MYT1L: variants seen among roughly 807,000 people sequenced by gnomAD.
The protein encoded by MYT1L is myelin transcription factor 1-like protein.
Under a neutral mutation model 126.7 loss-of-function variants are expected in MYT1L, and 12 were observed. The ratio of observed to expected loss-of-function variants is 0.09; its 90% CI spans 0.06 to 0.15. The LOEUF is 0.15. Ranked by LOEUF, MYT1L falls within the 10% of genes least tolerant of loss-of-function variation. The probability of loss-of-function intolerance (pLI) is 1.00; values close to 1 mark genes in which losing one functional copy is unlikely to be tolerated. For missense variants in MYT1L, 979 were observed against 1,585.2 expected, an observed-to-expected ratio of 0.62 and a Z score of 6.49; for synonymous variants, 541 against 604.2, an observed-to-expected ratio of 0.90 and a Z score of 1.53.
rs774152215 is a variant in MYT1L, at chr2:2,298,423, G to A, written c.-520-13920C>T. Among the ~76,000 whole-genome samples the A allele has an allele frequency of 2.0e-5, 3 of 151,668 alleles. No homozygotes were observed. In the South Asian group the frequency reaches 6.3e-4, roughly 32 times the overall value. ...ATCTGTCAGGGAAATATTCCAGCAG[G>A]AGGAATGTTTTAGTTTAACACATGG... On this transcript the variant is annotated intron_variant, in intron 1 of 24. Transcript: ENST00000647738.
chr2:2,209,466 T>G (rs2093428229), intron 2 of MYT1L, among the ~76,000 whole-genome samples: 1 of 152,306 alleles, frequency 6.6e-6, no homozygotes, highest in East Asian at 1.9e-4. Flanking sequence ...TGTTTTGACT[T>G]TTAGTTTCCA....
chr2:2,071,916 G>A (rs895214101), intron 3 of MYT1L, among the ~76,000 whole-genome samples: 3 of 152,200 alleles, frequency 2.0e-5, no homozygotes, highest in Non-Finnish European at 4.4e-5. Flanking sequence ...TGTGGGCGAG[G>A]AGGGAGAGCA....
chr2:1,954,261 G>A (rs536424531), intron 8 of MYT1L, among the ~76,000 whole-genome samples: 7 of 152,244 alleles, frequency 4.6e-5, no homozygotes, highest in Non-Finnish European at 8.8e-5. Flanking sequence ...CGGCAAACGC[G>A]AGGCTGCGTA....
intron 3 of MYT1L, among the ~76,000 whole-genome samples, chr2:2,145,403 A>G (rs915029860): frequency 6.6e-6 from 1 of 152,198 alleles, no homozygotes; most frequent in African/African-American, 2.4e-5. Flanking sequence ...CCTAAGTGGC[A>G]CTACAGATAA....
At chr2:1,963,414 G>A (rs540826509) in intron 8 of MYT1L, among the ~76,000 whole-genome samples, 1 of 152,308 alleles carries the variant, frequency 6.6e-6, no homozygotes, top group Admixed American at 6.5e-5. Flanking sequence ...ATGAGCATAA[G>A]CTTCAGTTTA....
intron 4 of MYT1L, among the ~76,000 whole-genome samples, chr2:2,004,459 C>T (rs1209221394): frequency 6.7e-6 from 1 of 148,912 alleles, no homozygotes; most frequent in African/African-American, 2.5e-5. Flanking sequence ...GCGTTCTTTC[C>T]TGAATATGTT....
At chr2:1,890,515 A>T (rs1366694564) in intron 15 of MYT1L, among the ~76,000 whole-genome samples, 1 of 152,190 alleles carries the variant, frequency 6.6e-6, no homozygotes, top group African/African-American at 2.4e-5. Flanking sequence ...CTGGCTTAAA[A>T]AAAAACCCCA....
chr2:2,013,754 G>T (rs531026821), intron 4 of MYT1L, among the ~76,000 whole-genome samples: 7 of 152,360 alleles, frequency 4.6e-5, no homozygotes, highest in African/African-American at 1.7e-4. Context: ...GAGCCCTGCT[G>T]GCCCAGGTGG....
intron 3 of MYT1L, among the ~76,000 whole-genome samples, chr2:2,081,510 A>G (rs73911332): frequency 0.027 from 4,089 of 152,256 alleles, 174 homozygotes; most frequent in African/African-American, 0.09. Flanking sequence ...GTAAATTAAT[A>G]TACTCTATTC....
chr2:1,911,933 A>G (rs1393233742), intron 12 of MYT1L, 87 bp downstream of exon 12: 4 of 1,053,568 alleles, frequency 3.8e-6, no homozygotes, highest in South Asian at 1.8e-5. Context: ...GGAGCACCAT[A>G]TGGAGCGTGG....
chr2:1,984,869 T>G (rs2149521207), intron 5 of MYT1L, among the ~76,000 whole-genome samples: 1 of 152,262 alleles, frequency 6.6e-6, no homozygotes, highest in South Asian at 2.1e-4. Flanking sequence ...CTTGGAGTCC[T>G]CAGTGGCTGC....
At chr2:2,083,839 G>T (rs902340868) in intron 3 of MYT1L, among the ~76,000 whole-genome samples, 1 of 151,662 alleles carries the variant, frequency 6.6e-6, no homozygotes, top group African/African-American at 2.4e-5. Context: ...ACAAGGAAAG[G>T]AAAGTTCAGT....
chr2:2,270,553 G>A (rs112549973), intron 2 of MYT1L, among the ~76,000 whole-genome samples: 12 of 151,916 alleles, frequency 7.9e-5, no homozygotes, highest in African/African-American at 2.4e-4. Flanking sequence ...AATGACACAC[G>A]AGCAATGAAA....
At chr2:2,316,101 C>T (rs2096060368) in intron 1 of MYT1L, among the ~76,000 whole-genome samples, 1 of 152,196 alleles carries the variant, frequency 6.6e-6, no homozygotes, top group Non-Finnish European at 1.5e-5. Flanking sequence ...GCTCCTTTGA[C>T]TCCGGTCAAG....
chr2:2,094,123 G>C (rs542368654), intron 3 of MYT1L, among the ~76,000 whole-genome samples: 1 of 152,148 alleles, frequency 6.6e-6, no homozygotes. Flanking sequence ...GTCAGGTAGC[G>C]TGATGCTTCC....
intron 2 of MYT1L, among the ~76,000 whole-genome samples, chr2:2,270,452 T>C (rs1349716597): frequency 6.6e-6 from 1 of 152,132 alleles, no homozygotes; most frequent in African/African-American, 2.4e-5. Context: ...GTCTCTACCA[T>C]GTGCCAGATA....
Position 1,812,305 on chromosome 2 carries a change from CTGTGTT to C in MYT1L, c.3081-3144_3081-3139del, listed in dbSNP as rs150423657. On this transcript the variant is annotated intron_variant, in intron 21 of 24. Transcript: ENST00000647738. The stretch of plus-strand genomic sequence containing the variant: ...AAATGAGAATAAAATATTGAATTGA[CTGTGTT>C]TGTGAAGTTTAATGAAAAGAATGTG... 3.1e-3 allele frequency among the ~76,000 whole-genome samples: 465 copies of C among 152,324 alleles called. 1 individual carries two copies. Among genetic ancestry groups the C allele is most frequent in the Non-Finnish European group, 5.2e-3 (357 of 68,036 alleles).
chr2:2,168,189 A>T (rs924462619), intron 3 of MYT1L, among the ~76,000 whole-genome samples: 2 of 152,164 alleles, frequency 1.3e-5, no homozygotes, highest in African/African-American at 4.8e-5. Flanking sequence ...TGGGCTCAAC[A>T]GGAGGAGGAA....
chr2:1,895,805 A>G (rs2049492409), intron 14 of MYT1L, among the ~76,000 whole-genome samples: 1 of 152,206 alleles, frequency 6.6e-6, no homozygotes. Context: ...TAGGTCTCCA[A>G]AAGCAATTGC....
Sources: gnomAD v4.1 joint callset for allele counts (sites outside exome capture counted in the v4.1 genomes callset) on GRCh38, gnomAD v4.1.1 for gene constraint, MANE v1.5 for transcripts, NCBI Gene and HGNC (gene_info 2026-07-23, HGNC 2026-07-21) for gene names.